The following PTGDR2 variants were observed in gnomAD, a reference collection of about 807,000 sequenced individuals.
PTGDR2 encodes the protein prostaglandin D2 receptor 2.
For missense variants in PTGDR2, 544 were observed against 576.6 expected (o/e 0.94, Z 0.58); for synonymous variants, 276 against 278.4 (o/e 0.99, Z 0.09).
In PTGDR2 at chr11:60,853,550, C is replaced by A; in HGVS notation, c.173G>T (p.Gly58Val). The change falls in exon 2 of 2, where the codon GGC becomes GTC. Residue 58 changes from glycine (G) to valine (V), a missense_variant. Gly to Val is a moderately radical substitution (Grantham distance 109, BLOSUM62 -3). Transcript: ENST00000332539. ...GACCACGGTCTGGCGCATGCGGCAGCCCACCACGAAGAGGATGACTCCATT... is the reference window on the plus strand; with the variant it reads ...GACCACGGTCTGGCGCATGCGGCAGACCACCACGAAGAGGATGACTCCATT... ...VENGVILFVV[G>V]CRMRQTVVTT... 6.4e-7 allele frequency: 1 copy of A among 1,556,258 alleles called. No individual in the cohort carries two copies.
In PTGDR2 at chr11:60,853,618, G is replaced by A. The variant is rs774525011; in HGVS notation, c.105C>T (p.Ala35=). ...NTSIRYIDHA[A]VLLHGLASLL... is the part of the protein sequence containing the mutation. Reference sequence around the variant, plus strand: ...GCGAGGCCAGCCCGTGCAGCAGCACGGCCGCGTGGTCGATGTAGCGGATGC... The same window carrying A: ...GCGAGGCCAGCCCGTGCAGCAGCACAGCCGCGTGGTCGATGTAGCGGATGC... Residue 35 remains alanine (A), a synonymous_variant, in exon 2 of 2, where the codon GCC becomes GCT. Transcript: ENST00000332539. 6 of 1,556,762 alleles carry A rather than the reference G, an allele frequency of 3.9e-6. No homozygotes were observed. Among genetic ancestry groups the A allele is most frequent in the East Asian group, 4.8e-5 (2 of 41,422 alleles).
Position 60,852,761 on chromosome 11 carries a change from G to T in PTGDR2, c.962C>A (p.Thr321Lys). 1.3e-6 allele frequency: 2 copies of T among 1,540,500 alleles called. No individual in the cohort carries two copies. Among genetic ancestry groups the T allele is most frequent in the East Asian group, 2.5e-5 (1 of 40,028 alleles). The change falls in exon 2 of 2, where the codon ACG becomes AAG. Residue 321 changes from threonine (T) to lysine (K), a missense_variant. Thr to Lys is a moderately conservative substitution (Grantham distance 78, BLOSUM62 -1). Transcript: ENST00000332539. ...GTCCACCAGCACGCTCTCCAGCACC[G>T]TGCGCAGCGAGCGCCGCAGCTTGCG... ...MLRKLRRSLR[T>K]VLESVLVDDS... is the part of the protein sequence containing the mutation.
Position 60,853,632 on chromosome 11 carries a change from T to C in PTGDR2, c.91A>G (p.Ile31Val). 6.4e-7 allele frequency: 1 copy of C among 1,557,214 alleles called. No individual in the cohort carries two copies. Among genetic ancestry groups the C allele is most frequent in the Non-Finnish European group, 8.7e-7 (1 of 1,150,102 alleles). ...QSHSNTSIRY[I>V]DHAAVLLHGL... ...TGCAGCAGCACGGCCGCGTGGTCGA[T>C]GTAGCGGATGCTGGTGTTGCTGTGG... Residue 31 changes from isoleucine to valine, a missense_variant, in exon 2 of 2, where the codon ATC becomes GTC. Transcript: ENST00000332539.
In PTGDR2 at chr11:60,853,374, C is replaced by A; in HGVS notation, c.349G>T (p.Ala117Ser). Reference protein sequence around the residue: ...HSSIFFLNMFASGFLLSAISL... With the variant: ...HSSIFFLNMFSSGFLLSAISL... ...ATGGCGCTGAGCAGGAAGCCGCTGG[C>A]GAACATGTTGAGAAAGAAGATGGAG... The change falls in exon 2 of 2, where the codon GCC becomes TCC. Residue 117 changes from alanine to serine, a missense_variant. Physicochemically the swap from Ala to Ser is moderately conservative, Grantham distance 99. Coordinates refer to ENST00000332539, the MANE Select transcript of PTGDR2 (RefSeq NM_004778.3). The A allele has an allele frequency of 1.3e-6, 2 of 1,599,652 alleles. No homozygotes were observed. Among genetic ancestry groups the A allele is most frequent in the Non-Finnish European group, 1.7e-6 (2 of 1,173,462 alleles).
chr11:60,852,574 C>T lies in PTGDR2; in HGVS notation c.1149G>A (p.Thr383=), dbSNP rs371280899. The T allele has an allele frequency of 2.5e-5, 32 of 1,289,360 alleles. No homozygotes were observed. The highest frequency in any genetic ancestry group is 3.1e-5 in the African/African-American group (2 of 64,636). 79.9% of individuals were successfully genotyped at this position (1,289,360 alleles called of 1,614,324 possible). A position where few individuals can be genotyped will look rare whatever the true frequency, so the allele number is the denominator to read the frequency against. ...TGCTCAGCGCCCGGTTCAGGGGGCC[C>T]GTCTGCGGGGACGCTGCGCAGCTGC... ...LLGSCAASPQ[T]GPLNRALSST... is the part of the protein sequence containing the mutation. The change falls in exon 2 of 2, where the codon ACG becomes ACA. Residue 383 remains threonine (T), a synonymous_variant. Transcript: ENST00000332539.
In PTGDR2 at chr11:60,852,429, C is replaced by T. The variant is rs1378372051; in HGVS notation, c.*106G>A. The T allele has an allele frequency of 1.9e-6, 2 of 1,026,710 alleles. No individual in the cohort carries two copies. The highest frequency in any genetic ancestry group is 4.3e-5 in the Admixed American group (1 of 23,352). 63.6% of individuals were successfully genotyped at this position (1,026,710 alleles called of 1,614,324 possible). Reference sequence around the variant, plus strand: ...CTTTAAAATGCAGGTGCCTGGGTCCCGCCCCTCGGACTTTGATCACTGCGG... The same window carrying T: ...CTTTAAAATGCAGGTGCCTGGGTCCTGCCCCTCGGACTTTGATCACTGCGG... On this transcript the variant is annotated 3_prime_UTR_variant, in exon 2 of 2. Transcript: ENST00000332539.
At position 60,852,483 on chromosome 11, in the gene PTGDR2, G is replaced by A. The variant is rs929519623; in HGVS notation, c.*52C>T. Reference sequence around the variant, plus strand: ...GAGTCCGGATATCGAATTGAACCGCGGCACCCTGGTGATACTTTCGCGTGT... The same window carrying A: ...GAGTCCGGATATCGAATTGAACCGCAGCACCCTGGTGATACTTTCGCGTGT... On this transcript the variant is annotated 3_prime_UTR_variant, in exon 2 of 2. Coordinates refer to ENST00000332539, the MANE Select transcript of PTGDR2 (RefSeq NM_004778.3). 1.6e-6 allele frequency: 2 copies of A among 1,235,020 alleles called. No homozygotes were observed. The highest frequency in any genetic ancestry group is 6.3e-5 in the East Asian group (2 of 31,648). 76.5% of individuals were successfully genotyped at this position (1,235,020 alleles called of 1,614,324 possible).
Position 60,853,610 on chromosome 11 carries a change from A to G in PTGDR2, c.113T>C (p.Leu38Pro), listed in dbSNP as rs1444433077. 1 of 1,556,806 alleles carries G rather than the reference A, an allele frequency of 6.4e-7. No individual in the cohort carries two copies. The highest frequency in any genetic ancestry group is 1.2e-5 in the South Asian group (1 of 84,440). The change falls in exon 2 of 2, where the codon CTG becomes CCG. Residue 38 changes from leucine to proline, a missense_variant. Coordinates refer to ENST00000332539, the MANE Select transcript of PTGDR2 (RefSeq NM_004778.3). ...GCCCAGCAGCGAGGCCAGCCCGTGC[A>G]GCAGCACGGCCGCGTGGTCGATGTA... ...IRYIDHAAVL[L>P]HGLASLLGLV...
At chr11:60,855,085 T>G (rs1450682067) in intron 1 of PTGDR2, among the ~76,000 whole-genome samples, 1 of 152,174 alleles carries the variant, frequency 6.6e-6, no homozygotes, top group African/African-American at 2.4e-5. Flanking sequence ...GAGGAGCCCC[T>G]TGGAGCTAGA....
At chr11:60,855,438 C>A (rs1485981459) in intron 1 of PTGDR2, among the ~76,000 whole-genome samples, 2 of 151,438 alleles carry the variant, frequency 1.3e-5, no homozygotes, top group Non-Finnish European at 2.9e-5. Flanking sequence ...AGCCCCCAGC[C>A]TCCCAGGATT....
At position 60,853,102 on chromosome 11, in the gene PTGDR2, G is replaced by T. The variant is rs141086539; in HGVS notation, c.621C>A (p.Ala207=). The T allele has an allele frequency of 1.0e-5, 16 of 1,602,336 alleles. No individual in the cohort carries two copies. Among genetic ancestry groups the T allele is most frequent in the Non-Finnish European group, 1.3e-5 (15 of 1,178,196 alleles). The change falls in exon 2 of 2, where the codon GCC becomes GCA. Residue 207 remains alanine (A), a synonymous_variant. Transcript: ENST00000332539. The part of the protein sequence containing the change: ...ATCNSRQVAL[A]VSKFLLAFLV... ...GGAAGGCCAGCAGGAACTTGCTGACGGCCAGGGCCACCTGCCGCGAGTTGC... is the reference window on the plus strand; with the variant it reads ...GGAAGGCCAGCAGGAACTTGCTGACTGCCAGGGCCACCTGCCGCGAGTTGC...
intron 1 of PTGDR2, 138 bp from the exon 2 acceptor site, chr11:60,853,869 A>G: frequency 4.4e-6 from 3 of 684,358 alleles, no homozygotes; most frequent in South Asian, 1.9e-5. Context: ...GGTGGGGGGA[A>G]TAATATCCCA....
rs1313183771 is a variant in PTGDR2 at position 60,853,334 on chromosome 11, C to G, written c.389G>C (p.Cys130Ser). Residue 130 changes from cysteine to serine, a missense_variant, in exon 2 of 2, where the codon TGC (cysteine) becomes TCC (serine). Coordinates refer to ENST00000332539, the MANE Select transcript of PTGDR2 (RefSeq NM_004778.3). ...CCACACCGGCCGCACCACCTGCAGGCAGCGGTCCAGGCTGATGGCGCTGAG... is the reference window on the plus strand; with the variant it reads ...CCACACCGGCCGCACCACCTGCAGGGAGCGGTCCAGGCTGATGGCGCTGAG... ...FLLSAISLDR[C>S]LQVVRPVWAQ... 1.2e-6 allele frequency: 2 copies of G among 1,609,818 alleles called. No homozygotes were observed. Among genetic ancestry groups the G allele is most frequent in the African/African-American group, 1.3e-5 (1 of 74,884 alleles).
intron 1 of PTGDR2, 66 bp from the exon 2 acceptor site, chr11:60,853,797 G>GC (rs1317075934): frequency 7.7e-7 from 1 of 1,301,802 alleles, no homozygotes; most frequent in Non-Finnish European, 1.0e-6. Flanking sequence ...CAAGAGAGAG[G>GC]CCCGGAGTGG....
Position 60,852,864 on chromosome 11 carries a change from G to T in PTGDR2, c.859C>A (p.Pro287Thr). ...GLRPLVWRGLPFVTSLAFFNS... is the reference protein window; with the variant it reads ...GLRPLVWRGLTFVTSLAFFNS... The stretch of plus-strand genomic sequence containing the variant: ...AAGAAGGCCAGGCTGGTGACGAAGG[G>T]CAGCCCGCGCCACACGAGCGGCCGC... Residue 287 changes from proline (P) to threonine (T), a missense_variant, in exon 2 of 2, where the codon CCC becomes ACC. Transcript: ENST00000332539. The T allele has an allele frequency of 6.5e-7, 1 of 1,547,920 alleles. No homozygotes were observed.
intron 1 of PTGDR2, among the ~76,000 whole-genome samples, chr11:60,854,374 C>A (rs2134810900): frequency 6.6e-6 from 1 of 152,324 alleles, no homozygotes; most frequent in East Asian, 1.9e-4. Flanking sequence ...AAGATAAGAG[C>A]CAGGAGAGCT....
chr11:60,854,560 G>A (rs535924576), intron 1 of PTGDR2, among the ~76,000 whole-genome samples: 17 of 152,296 alleles, frequency 1.1e-4, no homozygotes, highest in Admixed American at 1.0e-3. Context: ...CATCCTCATT[G>A]AAAGCCCGAA....
In PTGDR2 at chr11:60,851,985, G is replaced by A. The variant is rs146024324; in HGVS notation, c.*550C>T. The A allele has an allele frequency of 6.6e-6, 1 of 152,514 alleles. No homozygotes were observed. Among genetic ancestry groups the A allele is most frequent in the Admixed American group, 6.5e-5 (1 of 15,290 alleles). 9.4% of individuals were successfully genotyped at this position (152,514 alleles called of 1,614,324 possible). On this transcript the variant is annotated 3_prime_UTR_variant, in exon 2 of 2. Coordinates refer to ENST00000332539, the MANE Select transcript of PTGDR2 (RefSeq NM_004778.3). ...AAGATTGTGGGATGAAGCGTCTAGCGCAGTAAGCATTGGCTAAATGAAGAG... is the reference window on the plus strand; with the variant it reads ...AAGATTGTGGGATGAAGCGTCTAGCACAGTAAGCATTGGCTAAATGAAGAG...
rs1855262740 is a variant in PTGDR2 at position 60,851,344 on chromosome 11, C to T, written c.*1191G>A. On this transcript the variant is annotated 3_prime_UTR_variant, in exon 2 of 2. Coordinates refer to ENST00000332539, the MANE Select transcript of PTGDR2 (RefSeq NM_004778.3). ...GCAAAATTCATTGACACCAACTTTT[C>T]GGTCCCTGGGCTGCAGAGCTCAAAC... is the stretch of plus-strand genomic sequence containing the variant. The T allele has an allele frequency of 6.6e-6, 1 of 152,262 alleles. No homozygotes were observed. The highest frequency in any genetic ancestry group is 2.1e-4 in the South Asian group (1 of 4,830). 9.4% of individuals were successfully genotyped at this position (152,262 alleles called of 1,614,324 possible).
Sources: allele counts gnomAD v4.1 joint callset (sites outside exome capture counted in the v4.1 genomes callset), GRCh38; gene constraint gnomAD v4.1.1; transcripts MANE v1.5; gene names NCBI Gene and HGNC (gene_info 2026-07-23, HGNC 2026-07-21).